CTH: variants seen among roughly 807,000 people sequenced by gnomAD.
The protein encoded by CTH is cystathionine gamma-lyase.
A neutral mutation model predicts 50.6 loss-of-function variants in CTH; 41 were observed. The ratio of observed to expected loss-of-function variants is 0.81; its 90% CI spans 0.63 to 1.05. The LOEUF is 1.05. Ranked by LOEUF, CTH falls within the 50% of genes least tolerant of loss-of-function variation. CTH has a pLI of 0.00. For missense variants in CTH, 470 were observed against 492.6 expected, an observed-to-expected ratio of 0.95 and a Z score of 0.43; for synonymous variants, 156 against 168.9, an observed-to-expected ratio of 0.92 and a Z score of 0.59.
At chr1:70,413,499 C>CAA (rs1275723461) in intron 1 of CTH, among the ~76,000 whole-genome samples, 24 of 151,242 alleles carry the variant, frequency 1.6e-4, no homozygotes, top group Non-Finnish European at 3.2e-4. Flanking sequence ...CTCCTGACCT[C>CAA]GTGATTCACC....
Position 70,433,916 on chromosome 1 carries a change from T to C in CTH, c.966T>C (p.Leu322=), listed in dbSNP as rs769937815. The C allele has an allele frequency of 6.2e-7, 1 of 1,614,122 alleles. No homozygotes were observed. The highest frequency in any genetic ancestry group is 1.1e-5 in the South Asian group (1 of 91,082). Residue 322 remains leucine, a synonymous_variant, in exon 9 of 12, where the codon CTT becomes CTC. Coordinates refer to ENST00000370938, the MANE Select transcript of CTH (RefSeq NM_001902.6). The part of the protein sequence containing the change: ...GMVTFYIKGT[L]QHAEIFLKNL... ...TCACCTTTTATATTAAGGGCACTCT[T>C]CAGCATGCTGAGATTTTCCTCAAGA...
chr1:70,424,275 A>T lies in CTH; in HGVS notation c.457-10A>T, dbSNP rs1344656092. On this transcript the variant is annotated splice_polypyrimidine_tract_variant and intron_variant, in intron 4 of 11. Transcript: ENST00000370938. Reference sequence around the variant, plus strand: ...TTTACAAACTACTGTTATTTGCTGAATTATTTTAGCTTGTTTGGATCGAAA... The same window carrying T: ...TTTACAAACTACTGTTATTTGCTGATTTATTTTAGCTTGTTTGGATCGAAA... The T allele has an allele frequency of 6.2e-7, 1 of 1,614,030 alleles. No individual in the cohort carries two copies. Among genetic ancestry groups the T allele is most frequent in the South Asian group, 1.1e-5 (1 of 91,082 alleles).
At chr1:70,437,224 A>G (rs1304532059) in intron 10 of CTH, among the ~76,000 whole-genome samples, 1 of 152,178 alleles carries the variant, frequency 6.6e-6, no homozygotes, top group Non-Finnish European at 1.5e-5. Flanking sequence ...TGGGGAAAAA[A>G]ATCCCTAAGC....
At chr1:70,417,877 GGT>G in intron 2 of CTH, 58 bp from the exon 3 acceptor site, 1 of 1,577,226 alleles carries the variant, frequency 6.3e-7, no homozygotes, top group South Asian at 1.1e-5. Context: ...AATACTTGGA[GGT>G]GTGTTGTAAC....
intron 5 of CTH, among the ~76,000 whole-genome samples, chr1:70,428,156 T>C (rs1423696043): frequency 1.3e-5 from 2 of 152,220 alleles, no homozygotes; most frequent in Non-Finnish European, 2.9e-5. Context: ...CATGATCTCA[T>C]TCATGTGTGG....
chr1:70,423,396 C>CAA (rs984929771), intron 4 of CTH, among the ~76,000 whole-genome samples: 3 of 132,154 alleles, frequency 2.3e-5, no homozygotes, highest in Non-Finnish European at 3.3e-5. Context: ...CCTTTCTCTG[C>CAA]AAAAAAAAAA....
chr1:70,413,169 C>G (rs482291), intron 1 of CTH, among the ~76,000 whole-genome samples: 124,718 of 152,172 alleles, frequency 0.82, 51,227 homozygotes, highest in East Asian at 0.9. Context: ...TTGTGAGATA[C>G]AGTTCTAAGG....
rs769431823 is a variant in CTH, at chr1:70,411,492, G to T, written c.77G>T (p.Gly26Val). 3 of 1,614,166 alleles carry T rather than the reference G, an allele frequency of 1.9e-6. No homozygotes were observed. Among genetic ancestry groups the T allele is most frequent in the East Asian group, 2.2e-5 (1 of 44,870 alleles). ...TTCGCCACGCAGGCGATCCATGTGGGCCAGGATCCAGAGCAATGGACCTCC... is the reference window on the plus strand; with the variant it reads ...TTCGCCACGCAGGCGATCCATGTGGTCCAGGATCCAGAGCAATGGACCTCC... The part of the protein sequence containing the change: ...QHFATQAIHV[G>V]QDPEQWTSRA... Residue 26 changes from glycine to valine, a missense_variant, in exon 1 of 12, where the codon GGC becomes GTC. Physicochemically the swap from Gly to Val is moderately radical, Grantham distance 109. Coordinates refer to ENST00000370938, the MANE Select transcript of CTH (RefSeq NM_001902.6).
At position 70,411,405 on chromosome 1, in the gene CTH, C is replaced by A; in HGVS notation, c.-11C>A. 1 of 1,613,702 alleles carries A rather than the reference C, an allele frequency of 6.2e-7. No homozygotes were observed. The highest frequency in any genetic ancestry group is 8.5e-7 in the Non-Finnish European group (1 of 1,179,616). On this transcript the variant is annotated 5_prime_UTR_variant, in exon 1 of 12. Coordinates refer to ENST00000370938, the MANE Select transcript of CTH (RefSeq NM_001902.6). ...GTGTTCTTTTCCTCTCTTCTTCTTT[C>A]GCGGTTCAGCATGCAGGAAAAAGAC...
chr1:70,425,762 CA>C (rs1393273370), intron 5 of CTH, among the ~76,000 whole-genome samples: 1 of 152,170 alleles, frequency 6.6e-6, no homozygotes, highest in Non-Finnish European at 1.5e-5. Flanking sequence ...AACCAAATCT[CA>C]CAAGAACTCA....
intron 5 of CTH, 54 bp downstream of exon 5, chr1:70,424,470 T>C: frequency 6.2e-7 from 1 of 1,609,836 alleles, no homozygotes; most frequent in Non-Finnish European, 8.5e-7. Flanking sequence ...ATATCTGTAA[T>C]TAGGAAAGAA....
rs577575641 is a variant in CTH at position 70,414,128 on chromosome 1, C to CT, written c.169-1816dup. On this transcript the variant is annotated intron_variant, in intron 1 of 11. Transcript: ENST00000370938. ...GTGGCAGAAGCCACGTGAATCCAAA[C>CT]TTTTTTTTTTTTAATCTGCAGGGTA... 7.6e-4 allele frequency among the ~76,000 whole-genome samples: 111 copies of CT among 145,986 alleles called. 2 individuals are homozygous for CT. In the South Asian group the frequency reaches 9.9e-3, roughly 13 times the overall value.
At chr1:70,417,860 T>C in intron 2 of CTH, 77 bp from the exon 3 acceptor site, 1 of 1,516,246 alleles carries the variant, frequency 6.6e-7, no homozygotes, top group South Asian at 1.1e-5. Context: ...TTAAAGTAAG[T>C]CAGGTAAATA....
At chr1:70,413,141 TAC>T (rs1246010950) in intron 1 of CTH, among the ~76,000 whole-genome samples, 4 of 152,224 alleles carry the variant, frequency 2.6e-5, no homozygotes, top group Admixed American at 2.0e-4. Flanking sequence ...GGAAAATCCT[TAC>T]AGACAGTCCC....
rs565931949 is a variant in CTH, at chr1:70,418,167, A to G, written c.346+135A>G. Reference sequence around the variant, plus strand: ...GTTTACAGGTGTGACAGGTACCTCTATGCTCTCTCAGACTTGGGAAAAGAG... The same window carrying G: ...GTTTACAGGTGTGACAGGTACCTCTGTGCTCTCTCAGACTTGGGAAAAGAG... On this transcript the variant is annotated intron_variant, in intron 3 of 11. Transcript: ENST00000370938. 29 of 1,014,576 alleles carry G rather than the reference A, an allele frequency of 2.9e-5. No individual in the cohort carries two copies. The South Asian group carries it at 3.3e-4, about 11-fold the overall frequency. 62.8% of individuals were successfully genotyped at this position (1,014,576 alleles called of 1,614,324 possible).
Position 70,432,150 on chromosome 1 carries a change from C to T in CTH, c.792C>T (p.Val264=). Residue 264 remains valine (V), a synonymous_variant, in exon 8 of 12, where the codon GTC becomes GTT. Transcript: ENST00000370938. ...LCNRGLKTLH[V]RMEKHFKNGM... is the part of the protein sequence containing the mutation. Reference sequence around the variant, plus strand: ...ATCGAGGTCTGAAGACTCTACATGTCCGAATGGAAAAGCATTTCAAAAACG... The same window carrying T: ...ATCGAGGTCTGAAGACTCTACATGTTCGAATGGAAAAGCATTTCAAAAACG... 6.2e-7 allele frequency: 1 copy of T among 1,614,116 alleles called. No homozygotes were observed. Among genetic ancestry groups the T allele is most frequent in the Non-Finnish European group, 8.5e-7 (1 of 1,180,004 alleles).
chr1:70,414,561 ATTG>A (rs747672455), intron 1 of CTH, among the ~76,000 whole-genome samples: 23 of 152,118 alleles, frequency 1.5e-4, no homozygotes, highest in Non-Finnish European at 3.1e-4. Context: ...TTTAGAAGTT[ATTG>A]TTGTTAATAC....
chr1:70,425,693 C>T (rs1251357921), intron 5 of CTH, among the ~76,000 whole-genome samples: 2 of 152,158 alleles, frequency 1.3e-5, no homozygotes, highest in Admixed American at 1.3e-4. Flanking sequence ...AGGCACAACA[C>T]ATGACCAGAG....
At position 70,439,513 on chromosome 1, in the gene CTH, A is replaced by C. The variant is rs1473813109; in HGVS notation, c.*386A>C. The C allele has an allele frequency of 1.5e-5, 3 of 204,608 alleles. No homozygotes were observed. Among genetic ancestry groups the C allele is most frequent in the Non-Finnish European group, 3.0e-5 (3 of 100,320 alleles). 12.7% of individuals were successfully genotyped at this position (204,608 alleles called of 1,614,324 possible). On this transcript the variant is annotated 3_prime_UTR_variant, in exon 12 of 12. Coordinates refer to ENST00000370938, the MANE Select transcript of CTH (RefSeq NM_001902.6). ...AAATTTAAACGAATGTTCTTAAATC[A>C]AGTGTGATTTTTTTGCATATCATTG...
Sources: allele counts gnomAD v4.1 joint callset (sites outside exome capture counted in the v4.1 genomes callset), GRCh38; gene constraint gnomAD v4.1.1; transcripts MANE v1.5; gene names NCBI Gene and HGNC (gene_info 2026-07-23, HGNC 2026-07-21).